The following PSD4 variants were observed in gnomAD, a reference collection of about 807,000 sequenced individuals.
PSD4 encodes PH and SEC7 domain-containing protein 4.
Under a neutral mutation model 112.5 loss-of-function variants are expected in PSD4, and 59 were observed. The observed-to-expected ratio is 0.52, with a 90% CI of 0.43 to 0.65. The LOEUF is 0.65. Among genes scored for constraint, PSD4 ranks in the 30% least tolerant of loss-of-function variants. The probability of loss-of-function intolerance (pLI) is 0.00; values close to 1 mark genes in which losing one functional copy is unlikely to be tolerated. For synonymous variants in PSD4, 533 were observed against 540.0 expected (o/e 0.99, Z 0.18); for missense variants, 1,267 against 1,352.6 (o/e 0.94, Z 0.99).
At chr2:113,174,562 T>G (rs1380634737) in intron 1 of PSD4, among the ~76,000 whole-genome samples, 1 of 151,958 alleles carries the variant, frequency 6.6e-6, no homozygotes, top group Non-Finnish European at 1.5e-5. Flanking sequence ...GCTCTGGGTG[T>G]GGTTGCTGCA....
At chr2:113,182,200 T>TA (rs1688155109) in intron 1 of PSD4, 146 bp from the exon 2 acceptor site, 1 of 441,700 alleles carries the variant, frequency 2.3e-6, no homozygotes. Flanking sequence ...GTACACTCCT[T>TA]ACTCCCAGCA....
chr2:113,186,575 G>A (rs1688306904), intron 5 of PSD4, among the ~76,000 whole-genome samples: 1 of 152,198 alleles, frequency 6.6e-6, no homozygotes, highest in Non-Finnish European at 1.5e-5. Context: ...GAGCAAGGGC[G>A]TGTGCCTGCC....
At chr2:113,176,787 C>A (rs1230088684) in intron 1 of PSD4, among the ~76,000 whole-genome samples, 4 of 152,226 alleles carry the variant, frequency 2.6e-5, no homozygotes, top group Admixed American at 2.0e-4. Flanking sequence ...AAGACCTGGG[C>A]TCTGCTGCCC....
intron 15 of PSD4, 98 bp downstream of exon 15, chr2:113,198,982 T>A (rs898088992): frequency 5.2e-6 from 8 of 1,525,524 alleles, no homozygotes; most frequent in Non-Finnish European, 7.0e-6. Context: ...GCTGCGCACT[T>A]GGCCTGGGAA....
In PSD4 at chr2:113,207,087, TG is replaced by T. The variant is rs1194882404; in HGVS notation, c.*5674del. 6.6e-6 allele frequency: 1 copy of T among 152,132 alleles called. No homozygotes were observed. The highest frequency in any genetic ancestry group is 1.9e-4 in the East Asian group (1 of 5,190). 9.4% of individuals were successfully genotyped at this position (152,132 alleles called of 1,614,324 possible). On this transcript the variant is annotated 3_prime_UTR_variant, in exon 17 of 17. Transcript: ENST00000245796. ...CAGGAACTCTCAAGATCCATTTTCTTGGTGCAAATATAGCAGAAAGTGACTC... is the reference window on the plus strand; with the variant it reads ...CAGGAACTCTCAAGATCCATTTTCTTGTGCAAATATAGCAGAAAGTGACTC...
chr2:113,193,378 G>A lies in PSD4; in HGVS notation c.2032+8G>A. 6.2e-7 allele frequency: 1 copy of A among 1,607,394 alleles called. No homozygotes were observed. Among genetic ancestry groups the A allele is most frequent in the Non-Finnish European group, 8.5e-7 (1 of 1,177,410 alleles). On this transcript the variant is annotated splice_region_variant and intron_variant, in intron 8 of 16. Coordinates refer to ENST00000245796, the MANE Select transcript of PSD4 (RefSeq NM_012455.3). The stretch of plus-strand genomic sequence containing the variant: ...GGATCTTCCCCTCAGTAGGTAGGGA[G>A]GGGCTGGCCCTGACAGCAAAGCAGG...
At chr2:113,176,127 C>T (rs551480700) in intron 1 of PSD4, among the ~76,000 whole-genome samples, 1 of 152,324 alleles carries the variant, frequency 6.6e-6, no homozygotes, top group East Asian at 1.9e-4. Flanking sequence ...TCAGGGCAGG[C>T]TCATACCCCA....
At position 113,198,901 on chromosome 2, in the gene PSD4, G is replaced by A; in HGVS notation, c.2769+17G>A. ...AGCTCCCTGGTACGGCCTCCGGGAA[G>A]GGGTGGGGTCCGGCGGAACTGGGAA... On this transcript the variant is annotated intron_variant, in intron 15 of 16. Transcript: ENST00000245796. 6.4e-7 allele frequency: 1 copy of A among 1,567,176 alleles called. No homozygotes were observed. Among genetic ancestry groups the A allele is most frequent in the Non-Finnish European group, 8.6e-7 (1 of 1,163,624 alleles).
chr2:113,201,191 G>A lies in PSD4; in HGVS notation c.2947G>A (p.Val983Met), dbSNP rs1172800615. 8.7e-6 allele frequency: 14 copies of A among 1,613,248 alleles called. No homozygotes were observed. The highest frequency in any genetic ancestry group is 1.2e-5 in the Non-Finnish European group (14 of 1,179,462). Residue 983 changes from valine (V) to methionine (M), a missense_variant, in exon 17 of 17, where the codon GTG (valine) becomes ATG (methionine). Coordinates refer to ENST00000245796, the MANE Select transcript of PSD4 (RefSeq NM_012455.3). ...CTACGAGACCTACGTGCAGCTGCTGGTGGCCCGCCTGCACTGCCCCTCTGA... is the reference window on the plus strand; with the variant it reads ...CTACGAGACCTACGTGCAGCTGCTGATGGCCCGCCTGCACTGCCCCTCTGA... ...TRYETYVQLLVARLHCPSDAL... is the reference protein window; with the variant it reads ...TRYETYVQLLMARLHCPSDAL...
At chr2:113,184,531 A>T (rs1007539258) in intron 2 of PSD4, among the ~76,000 whole-genome samples, 1 of 151,458 alleles carries the variant, frequency 6.6e-6, no homozygotes, top group Non-Finnish European at 1.5e-5. Flanking sequence ...GTGCCACCCC[A>T]CCCAGCTAAT....
At chr2:113,180,341 G>A (rs1688094869) in intron 1 of PSD4, among the ~76,000 whole-genome samples, 1 of 152,214 alleles carries the variant, frequency 6.6e-6, no homozygotes, top group Admixed American at 6.5e-5. Context: ...GGTTTGAGCT[G>A]CAGTCCATGT....
intron 5 of PSD4, among the ~76,000 whole-genome samples, chr2:113,187,273 G>A (rs45559344): frequency 0.045 from 6,801 of 152,232 alleles, 109 homozygotes; most frequent in Non-Finnish European, 0.062. Flanking sequence ...GGCCCCTAGC[G>A]TTGTTTTCTC....
chr2:113,194,380 T>G (rs1276509133), intron 10 of PSD4, among the ~76,000 whole-genome samples: 1 of 152,226 alleles, frequency 6.6e-6, no homozygotes, highest in Admixed American at 6.5e-5. Flanking sequence ...CCTGAGAGTA[T>G]TAACCACTTA....
Position 113,183,460 on chromosome 2 carries a change from T to A in PSD4, c.1004T>A (p.Val335Glu), listed in dbSNP as rs761709635. 2 of 1,590,760 alleles carry A rather than the reference T, an allele frequency of 1.3e-6. No homozygotes were observed. The highest frequency in any genetic ancestry group is 1.3e-5 in the African/African-American group (1 of 74,262). The change falls in exon 2 of 17, where the codon GTG (valine) becomes GAG (glutamate). Residue 335 changes from valine to glutamate, a missense_variant. Val to Glu is a moderately radical substitution (Grantham distance 121). Coordinates refer to ENST00000245796, the MANE Select transcript of PSD4 (RefSeq NM_012455.3). ...CCACACTCCATCTGCTGGGCCTCAGTGGCTGCCGCTGAGGGGGCTCCTGCA... is the reference window on the plus strand; with the variant it reads ...CCACACTCCATCTGCTGGGCCTCAGAGGCTGCCGCTGAGGGGGCTCCTGCA... Reference protein sequence around the residue: ...YKPHSICWASVAAAEGAPAAP... With the variant: ...YKPHSICWASEAAAEGAPAAP...
chr2:113,207,221 G>C lies in PSD4; in HGVS notation c.*5806G>C, dbSNP rs1051706639. ...CCAGTCACTAGAGCCAGGGGTTTAA[G>C]GAGATCAGAGTCCACTTCTGGAGAG... On this transcript the variant is annotated 3_prime_UTR_variant, in exon 17 of 17. Coordinates refer to ENST00000245796, the MANE Select transcript of PSD4 (RefSeq NM_012455.3). The C allele has an allele frequency of 1.3e-5, 2 of 152,250 alleles. No homozygotes were observed. The highest frequency in any genetic ancestry group is 2.9e-5 in the Non-Finnish European group (2 of 68,098). 9.4% of individuals were successfully genotyped at this position (152,250 alleles called of 1,614,324 possible). A position where few individuals can be genotyped will look rare whatever the true frequency, so the allele number is the denominator to read the frequency against.
At chr2:113,193,226 G>A in intron 7 of PSD4, 32 bp from the exon 8 acceptor site, 1 of 1,588,962 alleles carries the variant, frequency 6.3e-7, no homozygotes, top group Non-Finnish European at 8.6e-7. Context: ...AAGCTCCCGG[G>A]CTCTCTCCTT....
Position 113,179,602 on chromosome 2 carries a change from A to G in PSD4, c.-111-2744A>G, listed in dbSNP as rs528758697. Among the ~76,000 whole-genome samples, 3 of 152,328 alleles carry G rather than the reference A, an allele frequency of 2.0e-5. No homozygotes were observed. In the East Asian group the frequency reaches 5.8e-4, roughly 29 times the overall value. On this transcript the variant is annotated intron_variant, in intron 1 of 16. Transcript: ENST00000245796. ...CTGGATTAAGGATACCCGTATCTTG[A>G]GCCGACCTCTTATCTCATCCTGTGA... is the stretch of plus-strand genomic sequence containing the variant.
rs546459452 is a variant in PSD4, at chr2:113,190,319, TG to T, written c.1629-2060del. Among the ~76,000 whole-genome samples the T allele has an allele frequency of 2.6e-5, 4 of 152,352 alleles. No individual in the cohort carries two copies. In the South Asian group the frequency reaches 8.3e-4, roughly 32 times the overall value. On this transcript the variant is annotated intron_variant, in intron 5 of 16. Coordinates refer to ENST00000245796, the MANE Select transcript of PSD4 (RefSeq NM_012455.3). ...TATCCCAACACCATTTTTTGAAAAG[TG>T]TGTCCTTTCCCCACTTTATGTTTTT...
At chr2:113,177,697 C>T (rs1484334158) in intron 1 of PSD4, among the ~76,000 whole-genome samples, 4 of 151,924 alleles carry the variant, frequency 2.6e-5, no homozygotes, top group Non-Finnish European at 5.9e-5. Context: ...CCTTGTGGGT[C>T]GGAGTGGTTG....
Sources: gnomAD v4.1 joint callset for allele counts (sites outside exome capture counted in the v4.1 genomes callset) on GRCh38, gnomAD v4.1.1 for gene constraint, MANE v1.5 for transcripts, NCBI Gene and HGNC (gene_info 2026-07-23, HGNC 2026-07-21) for gene names.